TTC23: variants seen among roughly 807,000 people sequenced by gnomAD.
TTC23 encodes the protein tetratricopeptide repeat protein 23.
TTC23 carries 58 observed loss-of-function variants against 55.1 expected under a neutral mutation model. The observed-to-expected ratio is 1.05, with a 90% CI of 0.85 to 1.31. TTC23 has a LOEUF of 1.31. TTC23 is among the 50% of genes most tolerant of loss of function. The probability of loss-of-function intolerance (pLI) is 0.00; values close to 1 mark genes in which losing one functional copy is unlikely to be tolerated. For missense variants in TTC23, 516 were observed against 534.4 expected (o/e 0.97, Z 0.34); for synonymous variants, 203 against 199.9 (o/e 1.02, Z -0.13).
chr15:99,241,186 A>G (rs2079762116), intron 3 of TTC23, among the ~76,000 whole-genome samples, 179 bp downstream of exon 3: 1 of 152,080 alleles, frequency 6.6e-6, no homozygotes, highest in South Asian at 2.1e-4. Flanking sequence ...GTGGTGGCAC[A>G]CACCTGGTAA....
At chr15:99,230,858 A>G (rs1021024813) in intron 4 of TTC23, among the ~76,000 whole-genome samples, 1 of 152,364 alleles carries the variant, frequency 6.6e-6, no homozygotes, top group South Asian at 2.1e-4. Context: ...GTCTTTCAGA[A>G]GGAAGGAAAA....
intron 12 of TTC23, chr15:99,145,474 G>A (rs2068735215): frequency 6.6e-6 from 1 of 152,042 alleles, no homozygotes; most frequent in Non-Finnish European, 1.5e-5. Flanking sequence ...AGAGGCCTAT[G>A]TGAGGAGGTG....
At position 99,204,632 on chromosome 15, in the gene TTC23, G is replaced by GTTTTTTTTTTTTTTTTTT. The variant is rs56890685; in HGVS notation, c.582-4554_582-4537dup. ...TCAGAGTTTCAGTCTTAGATTTAAG[G>GTTTTTTTTTTTTTTTTTT]TTTTTTTTTTTTTTTTTTTTTTTAG... is the stretch of plus-strand genomic sequence containing the variant. On this transcript the variant is annotated intron_variant, in intron 8 of 13. Transcript: ENST00000394132. Among the ~76,000 whole-genome samples, 22 of 60,890 alleles carry GTTTTTTTTTTTTTTTTTT rather than the reference G, an allele frequency of 3.6e-4. 5 individuals carry two copies. Among genetic ancestry groups the GTTTTTTTTTTTTTTTTTT allele is most frequent in the Non-Finnish European group, 4.5e-4 (16 of 35,218 alleles). The allele number at this position is 60,890 out of a possible 152,430, so 39.9% of individuals were successfully genotyped here. A position where few individuals can be genotyped will look rare whatever the true frequency, so the allele number is the denominator to read the frequency against.
chr15:99,148,871 G>A (rs1329958197), intron 12 of TTC23, among the ~76,000 whole-genome samples: 3 of 152,140 alleles, frequency 2.0e-5, no homozygotes, highest in African/African-American at 4.8e-5. Context: ...TCAATAATAC[G>A]GTTTCCTTTT....
intron 9 of TTC23, among the ~76,000 whole-genome samples, chr15:99,194,445 C>A (rs1596545393): frequency 1.3e-5 from 2 of 151,450 alleles, no homozygotes; most frequent in Non-Finnish European, 2.9e-5. Context: ...CAGAAATAGG[C>A]CCACATAAAT....
At chr15:99,172,332 AT>A (rs2073054154) in intron 10 of TTC23, among the ~76,000 whole-genome samples, 1 of 152,100 alleles carries the variant, frequency 6.6e-6, no homozygotes, top group Non-Finnish European at 1.5e-5. Context: ...TTCTGAGTGC[AT>A]GTCACCGAAT....
chr15:99,144,081 ATT>A (rs2068547379), intron 12 of TTC23, among the ~76,000 whole-genome samples: 1 of 152,146 alleles, frequency 6.6e-6, no homozygotes, highest in Admixed American at 6.5e-5. Flanking sequence ...GCCGTTCACT[ATT>A]TGCTGCTTAC....
In TTC23 at chr15:99,146,119, C is replaced by T. The variant is rs2068828814; in HGVS notation, c.1144-6720G>A. Among the ~76,000 whole-genome samples, 4 of 152,202 alleles carry T rather than the reference C, an allele frequency of 2.6e-5. No individual in the cohort carries two copies. In the South Asian group the frequency reaches 8.3e-4, roughly 32 times the overall value. ...GGCTACTGTACTGGAGCAGGTACCA[C>T]CATCCTTCTCCACAACGACTGCAAT... On this transcript the variant is annotated intron_variant, in intron 12 of 13. Transcript: ENST00000394132.
intron 12 of TTC23, chr15:99,141,180 TAATG>T (rs1159534227): frequency 6.6e-6 from 1 of 152,178 alleles, no homozygotes; most frequent in Non-Finnish European, 1.5e-5. Flanking sequence ...CAATATTTAG[TAATG>T]AATATGTAAA....
intron 6 of TTC23, 113 bp from the exon 7 acceptor site, chr15:99,219,161 C>A: frequency 8.3e-7 from 1 of 1,208,414 alleles, no homozygotes; most frequent in Non-Finnish European, 1.2e-6. Flanking sequence ...TGTCAAATGA[C>A]ACATGGAGAC....
intron 12 of TTC23, 136 bp from the exon 13 acceptor site, chr15:99,139,535 G>T: frequency 6.5e-7 from 1 of 1,549,478 alleles, no homozygotes; most frequent in Non-Finnish European, 8.7e-7. Flanking sequence ...CTCCTGGGAT[G>T]TCTCCTAGTG....
At chr15:99,231,722 G>A (rs886241450) in intron 4 of TTC23, among the ~76,000 whole-genome samples, 4 of 152,040 alleles carry the variant, frequency 2.6e-5, no homozygotes, top group African/African-American at 9.7e-5. Context: ...TCGATCTCCT[G>A]ACCTCGTGAT....
At chr15:99,215,999 G>A (rs963666919) in intron 8 of TTC23, among the ~76,000 whole-genome samples, 3 of 151,820 alleles carry the variant, frequency 2.0e-5, no homozygotes, top group Non-Finnish European at 2.9e-5. Context: ...TAGATGTAGG[G>A]GACAAAAAAG....
intron 9 of TTC23, among the ~76,000 whole-genome samples, chr15:99,193,594 G>C (rs2075430531): frequency 6.6e-6 from 1 of 152,186 alleles, no homozygotes; most frequent in Non-Finnish European, 1.5e-5. Flanking sequence ...TCTTTTGTAA[G>C]TTGCCCAGTC....
At chr15:99,219,531 T>G (rs763948785) in intron 6 of TTC23, among the ~76,000 whole-genome samples, 3 of 152,180 alleles carry the variant, frequency 2.0e-5, no homozygotes, top group Admixed American at 6.5e-5. Context: ...ATATCTGATA[T>G]CTACAAAAAC....
At chr15:99,228,379 C>T (rs777606041) in intron 5 of TTC23, 154 bp downstream of exon 5, 14 of 575,978 alleles carry the variant, frequency 2.4e-5, no homozygotes, top group South Asian at 4.3e-5. Context: ...AGAGGTACTG[C>T]ATTCATTCAT....
At chr15:99,203,330 T>A (rs990942297) in intron 8 of TTC23, among the ~76,000 whole-genome samples, 2 of 152,094 alleles carry the variant, frequency 1.3e-5, no homozygotes, top group African/African-American at 4.8e-5. Flanking sequence ...TTTAAAAAAA[T>A]TTTAAATTAT....
intron 10 of TTC23, among the ~76,000 whole-genome samples, chr15:99,172,884 T>A (rs557687877): frequency 8.5e-5 from 13 of 152,326 alleles, no homozygotes; most frequent in African/African-American, 2.9e-4. Flanking sequence ...GAAAACTTTT[T>A]AAAAATATAT....
chr15:99,183,567 C>T (rs1245698770), intron 9 of TTC23, among the ~76,000 whole-genome samples: 1 of 146,608 alleles, frequency 6.8e-6, no homozygotes, highest in Non-Finnish European at 1.5e-5. Context: ...TCTCAATCTC[C>T]TGACCTTGTG....
Sources: allele counts gnomAD v4.1 joint callset (sites outside exome capture counted in the v4.1 genomes callset), GRCh38; gene constraint gnomAD v4.1.1; transcripts MANE v1.5; gene names NCBI Gene and HGNC (gene_info 2026-07-23, HGNC 2026-07-21).